CTNNA2: variants seen among roughly 807,000 people sequenced by gnomAD.
CTNNA2 encodes the protein catenin alpha 2.
Under a neutral mutation model 101.0 loss-of-function variants are expected in CTNNA2, and 42 were observed. The ratio of observed to expected loss-of-function variants is 0.42; its 90% confidence interval spans 0.32 to 0.54. The LOEUF (loss-of-function observed/expected upper bound fraction) is 0.54, where lower values mean the gene tolerates loss of function less well. Ranked by LOEUF, CTNNA2 falls within the 20% of genes least tolerant of loss-of-function variation. The pLI is 0.14. For missense variants in CTNNA2, 871 were observed against 1,223.1 expected (o/e 0.71, Z 4.29); for synonymous variants, 450 against 456.4 (o/e 0.99, Z 0.18).
intron 7 of CTNNA2, among the ~76,000 whole-genome samples, chr2:80,150,021 T>C (rs1294222605): frequency 4.6e-5 from 7 of 152,208 alleles, no homozygotes; most frequent in Admixed American, 4.6e-4. Context: ...GGTCTTGTGC[T>C]GGTCATCCCC....
At chr2:79,913,510 C>G (rs1558636155) in intron 7 of CTNNA2, among the ~76,000 whole-genome samples, 1 of 152,028 alleles carries the variant, frequency 6.6e-6, no homozygotes, top group Non-Finnish European at 1.5e-5. Flanking sequence ...GGCCATTGCA[C>G]AGTAGTGAGT....
chr2:80,115,920 G>T (rs575329005), intron 7 of CTNNA2, among the ~76,000 whole-genome samples: 5 of 152,094 alleles, frequency 3.3e-5, no homozygotes, highest in Admixed American at 6.5e-5. Context: ...CCGTGCCTTT[G>T]TTTCTCTACC....
intron 17 of CTNNA2, among the ~76,000 whole-genome samples, chr2:80,613,255 C>G (rs1698606296): frequency 6.6e-6 from 1 of 151,278 alleles, no homozygotes; most frequent in South Asian, 2.1e-4. Context: ...ACATTCATAC[C>G]AGTATGAATG....
Position 80,303,318 on chromosome 2 carries a change from T to A in CTNNA2, c.1057-89893T>A, listed in dbSNP as rs756742701. ...ACAAACTGGATGGCGTTGGCCCGCA[T>A]ATGCAGCGTGGTGAGCTTCCGCAGC... On this transcript the variant is annotated intron_variant, in intron 7 of 18. Transcript: ENST00000402739. This position sits in a 1 kb window ranked among gnomAD's most constrained non-coding sequence, Gnocchi z 7.7. The A allele has an allele frequency of 1.9e-6, 3 of 1,613,764 alleles. No homozygotes were observed. Among genetic ancestry groups the A allele is most frequent in the Non-Finnish European group, 2.5e-6 (3 of 1,180,016 alleles).
intron 2 of CTNNA2, among the ~76,000 whole-genome samples, chr2:79,733,334 T>A (rs1687318255): frequency 6.6e-6 from 1 of 152,150 alleles, no homozygotes; most frequent in South Asian, 2.1e-4. Context: ...TATATGTTTT[T>A]TCAGCCTCAT....
At chr2:79,703,938 A>G (rs1426256837) in intron 2 of CTNNA2, among the ~76,000 whole-genome samples, 1 of 95,558 alleles carries the variant, frequency 1.0e-5, no homozygotes, top group East Asian at 5.5e-4. Context: ...GCAAATATAA[A>G]TCACTTTAAA....
At chr2:80,559,568 A>G (rs889162541) in intron 12 of CTNNA2, among the ~76,000 whole-genome samples, 4 of 152,230 alleles carry the variant, frequency 2.6e-5, no homozygotes, top group African/African-American at 9.6e-5. Flanking sequence ...AATTAAATTT[A>G]AGAAAATTTT....
At chr2:79,749,237 C>T (rs1456816911) in intron 3 of CTNNA2, among the ~76,000 whole-genome samples, 5 of 152,058 alleles carry the variant, frequency 3.3e-5, no homozygotes, top group Non-Finnish European at 7.4e-5. Context: ...GATTCCCTAG[C>T]TCAGCAGACA....
At chr2:79,568,925 T>G (rs1483858546) in intron 1 of CTNNA2, among the ~76,000 whole-genome samples, 2 of 145,422 alleles carry the variant, frequency 1.4e-5, no homozygotes, top group African/African-American at 5.2e-5. Context: ...TCCTAGCCAC[T>G]GAGGAGGCTG....
rs142559577 is a variant in CTNNA2, at chr2:80,330,620, A to G, written c.1057-62591A>G. 4.4e-4 allele frequency among the ~76,000 whole-genome samples: 67 copies of G among 152,212 alleles called. 2 individuals are homozygous for G. The highest frequency in any genetic ancestry group is 1.4e-3 in the African/African-American group (59 of 41,538). ...AGTGAGTCTTATGTGACAAATTATCACATAAAGTAATGAAGTCTTTTCTGG... is the reference window on the plus strand; with the variant it reads ...AGTGAGTCTTATGTGACAAATTATCGCATAAAGTAATGAAGTCTTTTCTGG... On this transcript the variant is annotated intron_variant, in intron 7 of 18. Transcript: ENST00000402739.
chr2:80,628,051 T>A (rs1478277143), intron 18 of CTNNA2, among the ~76,000 whole-genome samples: 1 of 152,058 alleles, frequency 6.6e-6, no homozygotes, highest in African/African-American at 2.4e-5. Context: ...CAATACAACT[T>A]GCAAGGGATA....
rs1291017840 is a variant in CTNNA2 at position 79,338,581 on chromosome 2, T to TTTTTCC, written c.-318+25786_-318+25787insTTTCCT. On this transcript the variant is annotated intron_variant, in intron 3 of 21. Coordinates refer to the CTNNA2 transcript ENST00000466387. ...CTTCTTCTTCTTCCTCCTCATCATC[T>TTTTTCC]TCTTCTTCTTCTTCTTCTTCTTCTT... Among the ~76,000 whole-genome samples the TTTTTCC allele has an allele frequency of 5.5e-3, 612 of 110,882 alleles. 11 individuals carry two copies. The highest frequency in any genetic ancestry group is 0.014 in the East Asian group (43 of 3,144). 72.7% of individuals were successfully genotyped at this position (110,882 alleles called of 152,430 possible). A position where few individuals can be genotyped will look rare whatever the true frequency, so the allele number is the denominator to read the frequency against.
chr2:79,837,513 C>T (rs1679469493), intron 3 of CTNNA2, among the ~76,000 whole-genome samples: 1 of 152,148 alleles, frequency 6.6e-6, no homozygotes, highest in South Asian at 2.1e-4. Context: ...CAGTATTAAC[C>T]ATCACAGAAC....
At chr2:79,425,587 A>C (rs1678584101) in intron 4 of CTNNA2, among the ~76,000 whole-genome samples, 1 of 152,090 alleles carries the variant, frequency 6.6e-6, no homozygotes, top group Non-Finnish European at 1.5e-5. Flanking sequence ...TAAAAGGGTC[A>C]TAATCCCATT....
chr2:79,345,207 G>A (rs1228361159), intron 3 of CTNNA2, among the ~76,000 whole-genome samples: 1 of 151,372 alleles, frequency 6.6e-6, no homozygotes, highest in Admixed American at 6.6e-5. Flanking sequence ...TTTTTCTTCT[G>A]TTTCTCCACA....
At chr2:79,393,771 C>G (rs1678199927) in intron 4 of CTNNA2, among the ~76,000 whole-genome samples, 1 of 152,050 alleles carries the variant, frequency 6.6e-6, no homozygotes, top group Admixed American at 6.6e-5. Flanking sequence ...CATCACAGCT[C>G]CAATCAAGAA....
intron 3 of CTNNA2, among the ~76,000 whole-genome samples, chr2:79,769,192 T>G (rs956882409): frequency 6.6e-6 from 1 of 152,164 alleles, no homozygotes; most frequent in Non-Finnish European, 1.5e-5. Flanking sequence ...TTAGAATTCT[T>G]TTTTTCCCCT....
At chr2:79,594,646 A>G (rs1677073403) in intron 1 of CTNNA2, among the ~76,000 whole-genome samples, 1 of 152,094 alleles carries the variant, frequency 6.6e-6, no homozygotes, top group Admixed American at 6.5e-5. Context: ...ATTCAATCTT[A>G]GTGTATTTCC....
intron 7 of CTNNA2, among the ~76,000 whole-genome samples, chr2:80,061,480 A>G (rs1394937424): frequency 6.6e-6 from 1 of 152,190 alleles, no homozygotes; most frequent in East Asian, 1.9e-4. Context: ...ATTTAAAAGT[A>G]AAAGGGCATA....
Sources: gnomAD v4.1 joint callset for allele counts (sites outside exome capture counted in the v4.1 genomes callset) on GRCh38, gnomAD v4.1.1 for gene constraint, Gnocchi (gnomAD v3.1) non-coding constraint, MANE v1.5 for transcripts, NCBI Gene and HGNC (gene_info 2026-07-23, HGNC 2026-07-21) for gene names.